The following TMIGD1 variants were observed in gnomAD, a reference collection of about 807,000 sequenced individuals.
TMIGD1 encodes transmembrane and immunoglobulin domain containing 1, also known as transmembrane and immunoglobulin domain-containing protein 1.
In TMIGD1, 29 loss-of-function variants were observed where a neutral mutation model predicts 27.5. The ratio of observed to expected loss-of-function variants is 1.05; its 90% CI spans 0.78 to 1.44. The LOEUF (loss-of-function observed/expected upper bound fraction) is 1.44. TMIGD1 is among the 40% of genes most tolerant of loss of function. The pLI, the probability that TMIGD1 is intolerant of heterozygous loss-of-function variation, is 0.00. For synonymous variants in TMIGD1, 109 were observed against 110.3 expected (o/e 0.99, Z 0.07); for missense variants, 334 against 310.6 (o/e 1.08, Z -0.57).
chr17:30,329,152 A>G (rs1909887856), intron 3 of TMIGD1, 99 bp downstream of exon 3: 5 of 1,444,882 alleles, frequency 3.5e-6, no homozygotes, highest in African/African-American at 2.8e-5. Context: ...AGGAGCATAA[A>G]TTGGGCAATT....
In TMIGD1 at chr17:30,316,648, T is replaced by C. The variant is rs988401015; in HGVS notation, c.*39A>G. ...ACTACATAAATTGTGGAGGTCCTGA[T>C]GCAAAACTCTCTCTGTATTCGATGG... On this transcript the variant is annotated 3_prime_UTR_variant, in exon 7 of 7. Coordinates refer to ENST00000328886, the MANE Select transcript of TMIGD1 (RefSeq NM_206832.3). 5.0e-6 allele frequency: 8 copies of C among 1,610,310 alleles called. No homozygotes were observed. The highest frequency in any genetic ancestry group is 5.9e-6 in the Non-Finnish European group (7 of 1,177,790).
chr17:30,321,163 CTTT>C (rs561331069), intron 4 of TMIGD1, among the ~76,000 whole-genome samples: 2 of 142,306 alleles, frequency 1.4e-5, no homozygotes, highest in Non-Finnish European at 3.1e-5. Context: ...TGGCCAACCC[CTTT>C]TTTTTTTTTT....
At position 30,324,879 on chromosome 17, in the gene TMIGD1, A is replaced by T; in HGVS notation, c.577T>A (p.Tyr193Asn). The T allele has an allele frequency of 6.2e-7, 1 of 1,614,204 alleles. No individual in the cohort carries two copies. The highest frequency in any genetic ancestry group is 8.5e-7 in the Non-Finnish European group (1 of 1,180,010). ...AGAGATGACTTTGCAATACAACTGT[A>T]GGTTCCGTTGTCAGGCTTCTCGACT... The part of the protein sequence containing the change: ...TKVEKPDNGT[Y>N]SCIAKSSLKT... Residue 193 changes from tyrosine (Y) to asparagine (N), a missense_variant, in exon 4 of 7, where the codon TAC becomes AAC. Coordinates refer to ENST00000328886, the MANE Select transcript of TMIGD1 (RefSeq NM_206832.3).
At chr17:30,327,010 A>G (rs1909802506) in intron 3 of TMIGD1, among the ~76,000 whole-genome samples, 1 of 151,674 alleles carries the variant, frequency 6.6e-6, no homozygotes, top group African/African-American at 2.4e-5. Flanking sequence ...ACTTTGTGTC[A>G]GTACTGTCAT....
At chr17:30,324,747 C>A (rs1909717210) in intron 4 of TMIGD1, 69 bp downstream of exon 4, 3 of 1,526,970 alleles carry the variant, frequency 2.0e-6, no homozygotes, top group South Asian at 1.2e-5. Context: ...TTATTGTCAC[C>A]AGAAATATTC....
intron 2 of TMIGD1, among the ~76,000 whole-genome samples, chr17:30,331,374 T>C (rs1261729227): frequency 6.6e-6 from 1 of 152,066 alleles, no homozygotes; most frequent in East Asian, 1.9e-4. Flanking sequence ...GCATTACTTT[T>C]AAAATCAGAA....
At chr17:30,321,329 AGT>A (rs1909614006) in intron 4 of TMIGD1, among the ~76,000 whole-genome samples, 1 of 152,168 alleles carries the variant, frequency 6.6e-6, no homozygotes, top group East Asian at 1.9e-4. Flanking sequence ...ACAAAGTAAA[AGT>A]GCTTCAGTTC....
Position 30,329,413 on chromosome 17 carries a change from A to G in TMIGD1, c.199T>C (p.Trp67Arg), listed in dbSNP as rs764197360. Residue 67 changes from tryptophan (W) to arginine (R), a missense_variant, in exon 3 of 7, where the codon TGG becomes CGG. By Grantham distance (101) the Trp-to-Arg change is moderately radical. Coordinates refer to ENST00000328886, the MANE Select transcript of TMIGD1 (RefSeq NM_206832.3). ...QNHTREEELL[W>R]YREEGRVDLK... The stretch of plus-strand genomic sequence containing the variant: ...TCCACTCTCCCCTCCTCTCGGTACC[A>G]GAGCAGTTCTTCCTCTCTGGTGTGG... The G allele has an allele frequency of 2.1e-5, 34 of 1,614,114 alleles. No homozygotes were observed. Among genetic ancestry groups the G allele is most frequent in the Non-Finnish European group, 2.7e-5 (32 of 1,180,058 alleles).
In TMIGD1 at chr17:30,329,130, A is replaced by G. The variant is rs878969139; in HGVS notation, c.361+121T>C. 6 of 1,199,836 alleles carry G rather than the reference A, an allele frequency of 5.0e-6. No individual in the cohort carries two copies. The African/African-American group carries it at 7.6e-5, about 15-fold the overall frequency. The allele number at this position is 1,199,836 out of a possible 1,614,324, so 74.3% of individuals were successfully genotyped here. A position where few individuals can be genotyped will look rare whatever the true frequency, so the allele number is the denominator to read the frequency against. On this transcript the variant is annotated intron_variant, in intron 3 of 6. Coordinates refer to ENST00000328886, the MANE Select transcript of TMIGD1 (RefSeq NM_206832.3). ...AGGGTGAGGGGAAATAGGTACTCTC[A>G]TACTTTGTGGTAGGAGCATAAATTG... is the stretch of plus-strand genomic sequence containing the variant.
At position 30,317,924 on chromosome 17, in the gene TMIGD1, C is replaced by T. The variant is rs190207999; in HGVS notation, c.745-691G>A. On this transcript the variant is annotated intron_variant, in intron 5 of 6. Coordinates refer to ENST00000328886, the MANE Select transcript of TMIGD1 (RefSeq NM_206832.3). ...GTCTACAAAAAATACAGAAATTAGCCGGGCACGGTGGTGCATGCCTGTGGT... is the reference window on the plus strand; with the variant it reads ...GTCTACAAAAAATACAGAAATTAGCTGGGCACGGTGGTGCATGCCTGTGGT... Among the ~76,000 whole-genome samples, 357 of 151,828 alleles carry T rather than the reference C, an allele frequency of 2.4e-3. 1 individual carries two copies. The highest frequency in any genetic ancestry group is 5.0e-3 in the South Asian group (24 of 4,814).
intron 1 of TMIGD1, among the ~76,000 whole-genome samples, chr17:30,333,742 G>T (rs1022927462): frequency 6.6e-6 from 1 of 151,970 alleles, no homozygotes; most frequent in African/African-American, 2.4e-5. Flanking sequence ...CTATCACAGT[G>T]TTGTAACAGT....
Position 30,324,805 on chromosome 17 carries a change from A to G in TMIGD1, c.640+11T>C. On this transcript the variant is annotated intron_variant, in intron 4 of 6. Coordinates refer to ENST00000328886, the MANE Select transcript of TMIGD1 (RefSeq NM_206832.3). The stretch of plus-strand genomic sequence containing the variant: ...TGCACTGTGCTGGGTATTACTTAAA[A>G]AGAGCATTACCTTTAACAATCAGGT... The G allele has an allele frequency of 6.2e-7, 1 of 1,612,438 alleles. No individual in the cohort carries two copies. The highest frequency in any genetic ancestry group is 8.5e-7 in the Non-Finnish European group (1 of 1,178,594).
At chr17:30,324,336 T>C (rs1450563382) in intron 4 of TMIGD1, among the ~76,000 whole-genome samples, 1 of 152,142 alleles carries the variant, frequency 6.6e-6, no homozygotes, top group Admixed American at 6.5e-5. Context: ...AGAAAGGGCT[T>C]TTTTGTCCCC....
rs1909510934 is a variant in TMIGD1, at chr17:30,318,917, T to C, written c.641-4A>G. On this transcript the variant is annotated splice_polypyrimidine_tract_variant and splice_region_variant and intron_variant, in intron 4 of 6. Transcript: ENST00000328886. Reference sequence around the variant, plus strand: ...ATTGGTACACCCACAGTTTTATCTGTAGGAAATGCAAACACAGGGAATAAG... The same window carrying C: ...ATTGGTACACCCACAGTTTTATCTGCAGGAAATGCAAACACAGGGAATAAG... 1 of 1,599,908 alleles carries C rather than the reference T, an allele frequency of 6.3e-7. No individual in the cohort carries two copies. Among genetic ancestry groups the C allele is most frequent in the Non-Finnish European group, 8.6e-7 (1 of 1,167,064 alleles).
At chr17:30,328,889 G>A (rs1254213944) in intron 3 of TMIGD1, among the ~76,000 whole-genome samples, 3 of 151,236 alleles carry the variant, frequency 2.0e-5, no homozygotes, top group African/African-American at 7.3e-5. Flanking sequence ...GCTTGAACCC[G>A]GGAGGTGGAG....
Position 30,324,866 on chromosome 17 carries a change from G to A in TMIGD1, c.590C>T (p.Ala197Val), listed in dbSNP as rs759449173. The part of the protein sequence containing the change: ...KPDNGTYSCI[A>V]KSSLKTESLD... ...GCTCTCCGTTTTCAGAGATGACTTT[G>A]CAATACAACTGTAGGTTCCGTTGTC... The change falls in exon 4 of 7, where the codon GCA (alanine) becomes GTA (valine). Residue 197 changes from alanine to valine, a missense_variant. Coordinates refer to ENST00000328886, the MANE Select transcript of TMIGD1 (RefSeq NM_206832.3). 2 of 1,614,176 alleles carry A rather than the reference G, an allele frequency of 1.2e-6. No individual in the cohort carries two copies. Among genetic ancestry groups the A allele is most frequent in the Non-Finnish European group, 1.7e-6 (2 of 1,179,998 alleles).
At chr17:30,320,331 G>A (rs770726232) in intron 4 of TMIGD1, among the ~76,000 whole-genome samples, 32 of 152,034 alleles carry the variant, frequency 2.1e-4, no homozygotes, top group South Asian at 4.2e-4. Context: ...CCACCGCACC[G>A]GGCCAAGAGC....
chr17:30,317,415 G>A (rs547102622), intron 5 of TMIGD1, among the ~76,000 whole-genome samples, 182 bp from the exon 6 acceptor site: 8 of 152,162 alleles, frequency 5.3e-5, no homozygotes, highest in African/African-American at 1.7e-4. Context: ...GTAACTCTTA[G>A]TTAAGATGCT....
At chr17:30,324,010 C>T (rs909552578) in intron 4 of TMIGD1, among the ~76,000 whole-genome samples, 1 of 152,224 alleles carries the variant, frequency 6.6e-6, no homozygotes, top group Admixed American at 6.5e-5. Context: ...TACATCACCA[C>T]AACACTTCTG....
Sources: gnomAD v4.1 joint callset for allele counts (sites outside exome capture counted in the v4.1 genomes callset) on GRCh38, gnomAD v4.1.1 for gene constraint, MANE v1.5 for transcripts, NCBI Gene and HGNC (gene_info 2026-07-23, HGNC 2026-07-21) for gene names.